Variants in PACSIN2 observed in about 807,000 individuals in gnomAD.
PACSIN2 encodes protein kinase C and casein kinase substrate in neurons 2, also known as protein kinase C and casein kinase substrate in neurons protein 2.
Under a neutral mutation model 63.8 loss-of-function variants are expected in PACSIN2, and 25 were observed. That is an observed-to-expected ratio of 0.39 (90% confidence interval 0.29 to 0.55). The LOEUF is 0.55. Ranked by LOEUF, PACSIN2 falls within the 20% of genes least tolerant of loss-of-function variation. PACSIN2 has a pLI of 0.62. For missense variants in PACSIN2, 518 were observed against 646.9 expected, an observed-to-expected ratio of 0.80 and a Z score of 2.16; for synonymous variants, 255 against 256.2, an observed-to-expected ratio of 1.00 and a Z score of 0.05.
intron 1 of PACSIN2, among the ~76,000 whole-genome samples, chr22:42,922,352 C>G (rs1450223258): frequency 6.6e-6 from 1 of 152,208 alleles, no homozygotes; most frequent in Non-Finnish European, 1.5e-5. Flanking sequence ...CACAACCAGA[C>G]AAAAGAACAG....
At chr22:42,972,690 C>CA (rs1442747391) in intron 1 of PACSIN2, among the ~76,000 whole-genome samples, 3 of 152,094 alleles carry the variant, frequency 2.0e-5, no homozygotes, top group Non-Finnish European at 4.4e-5. Context: ...ACCTGGACAC[C>CA]ACGCCAGGAA....
chr22:42,982,869 TAAAAAAA>T (rs1252040629), intron 1 of PACSIN2, among the ~76,000 whole-genome samples: 2 of 44,010 alleles, frequency 4.5e-5, no homozygotes, highest in African/African-American at 6.8e-5. Flanking sequence ...GAATGATCAA[TAAAAAAA>T]AAAAAAAAAA....
chr22:42,959,336 A>G (rs1934042195), intron 1 of PACSIN2, among the ~76,000 whole-genome samples: 4 of 152,218 alleles, frequency 2.6e-5, no homozygotes, highest in Admixed American at 2.6e-4. Context: ...AAGTAGGGGG[A>G]AAAGCCCTCT....
chr22:42,995,612 C>T (rs548971071), intron 1 of PACSIN2, among the ~76,000 whole-genome samples: 5 of 152,240 alleles, frequency 3.3e-5, no homozygotes, highest in Admixed American at 2.0e-4. Flanking sequence ...ATGTCATTCA[C>T]GCGGCAATTA....
At chr22:42,941,351 C>T (rs1259859397) in intron 1 of PACSIN2, among the ~76,000 whole-genome samples, 1 of 152,188 alleles carries the variant, frequency 6.6e-6, no homozygotes, top group Non-Finnish European at 1.5e-5. Flanking sequence ...CTGCTATTAC[C>T]ATTTGTGTAC....
chr22:43,006,035 C>T (rs527929034), intron 1 of PACSIN2, among the ~76,000 whole-genome samples: 1 of 152,138 alleles, frequency 6.6e-6, no homozygotes, highest in East Asian at 1.9e-4. Flanking sequence ...TCAAGTGATC[C>T]TCCTGCCTCA....
intron 2 of PACSIN2, among the ~76,000 whole-genome samples, chr22:42,900,170 T>C (rs1383890471): frequency 6.6e-6 from 1 of 152,168 alleles, no homozygotes; most frequent in African/African-American, 2.4e-5. Context: ...GGGAGACTCA[T>C]CTGAGGACTC....
At chr22:42,954,796 T>G (rs1318172914) in intron 1 of PACSIN2, among the ~76,000 whole-genome samples, 1 of 152,004 alleles carries the variant, frequency 6.6e-6, no homozygotes, top group African/African-American at 2.4e-5. Flanking sequence ...TGCCAGGGAA[T>G]GGGGGATGGG....
intron 1 of PACSIN2, among the ~76,000 whole-genome samples, chr22:42,972,714 T>G (rs1921417383): frequency 6.6e-6 from 1 of 152,112 alleles, no homozygotes; most frequent in Non-Finnish European, 1.5e-5. Flanking sequence ...CACAGTCTAC[T>G]GCCTCACTCT....
intron 1 of PACSIN2, among the ~76,000 whole-genome samples, chr22:43,013,763 G>A (rs964576128): frequency 1.3e-5 from 2 of 152,196 alleles, no homozygotes; most frequent in African/African-American, 4.8e-5. Context: ...TCTTTGAGCT[G>A]GTTTCCTGAT....
chr22:42,889,088 A>G (rs1929706732), intron 4 of PACSIN2, among the ~76,000 whole-genome samples: 1 of 152,158 alleles, frequency 6.6e-6, no homozygotes, highest in African/African-American at 2.4e-5. Context: ...CAGTATAGGA[A>G]AAGTTACATG....
intron 2 of PACSIN2, among the ~76,000 whole-genome samples, chr22:42,894,577 T>C (rs4822220): frequency 0.46 from 69,444 of 152,098 alleles, 16,402 homozygotes; most frequent in African/African-American, 0.49. Flanking sequence ...AGTAGGACTG[T>C]CTTGATGGCA....
intron 2 of PACSIN2, among the ~76,000 whole-genome samples, chr22:42,894,725 T>C (rs1218970449): frequency 6.6e-6 from 1 of 152,208 alleles, no homozygotes; most frequent in East Asian, 1.9e-4. Flanking sequence ...AACGAAAATG[T>C]TCGATATGTT....
chr22:42,882,115 C>T, intron 7 of PACSIN2, 69 bp downstream of exon 7: 2 of 1,546,310 alleles, frequency 1.3e-6, no homozygotes, highest in South Asian at 2.2e-5. Flanking sequence ...AGAAAGACAT[C>T]ATCTAGCAAC....
At chr22:42,982,888 A>AAAAAAAAAC (rs759532303) in intron 1 of PACSIN2, among the ~76,000 whole-genome samples, 27 of 105,180 alleles carry the variant, frequency 2.6e-4, no homozygotes, top group South Asian at 3.5e-4. Flanking sequence ...AAAAAAAAAA[A>AAAAAAAAAC]AACAACAACA....
intron 1 of PACSIN2, among the ~76,000 whole-genome samples, chr22:42,963,151 G>A (rs1182154918): frequency 6.6e-6 from 1 of 152,212 alleles, no homozygotes; most frequent in Non-Finnish European, 1.5e-5. Context: ...AAACATTAAT[G>A]CCAGGCACAG....
At chr22:43,010,632 C>T (rs976529485) in intron 1 of PACSIN2, among the ~76,000 whole-genome samples, 1 of 152,042 alleles carries the variant, frequency 6.6e-6, no homozygotes, top group Non-Finnish European at 1.5e-5. Context: ...ATGGCATGAA[C>T]TCGGGAGGCG....
intron 1 of PACSIN2, among the ~76,000 whole-genome samples, chr22:42,942,749 CTCTA>C (rs747679188): frequency 1.2e-4 from 18 of 152,198 alleles, no homozygotes; most frequent in Non-Finnish European, 1.8e-4. Context: ...GTTTTCTTGA[CTCTA>C]TCTCATTTTT....
chr22:43,010,874 T>C (rs1184113860), intron 1 of PACSIN2, among the ~76,000 whole-genome samples: 1 of 152,188 alleles, frequency 6.6e-6, no homozygotes, highest in Non-Finnish European at 1.5e-5. Context: ...GGAAAGGTGG[T>C]TTTTATTTGT....
Sources: allele counts gnomAD v4.1 joint callset (sites outside exome capture counted in the v4.1 genomes callset), GRCh38; gene constraint gnomAD v4.1.1; transcripts MANE v1.5; gene names NCBI Gene and HGNC (gene_info 2026-07-23, HGNC 2026-07-21).